The following TMEM178A variants were observed in gnomAD, a reference collection of about 807,000 sequenced individuals.
The protein encoded by TMEM178A is transmembrane protein 178A, also known as transmembrane protein 178.
A neutral mutation model predicts 29.1 loss-of-function variants in TMEM178A; 12 were observed. That is an observed-to-expected ratio of 0.41 (90% CI 0.26 to 0.67). The LOEUF (loss-of-function observed/expected upper bound fraction) is 0.67. TMEM178A is among the 30% of genes least tolerant of loss of function. TMEM178A has a pLI of 0.29. For missense variants in TMEM178A, 366 were observed against 419.1 expected, an observed-to-expected ratio of 0.87 and a Z score of 1.11; for synonymous variants, 210 against 187.2, an observed-to-expected ratio of 1.12 and a Z score of -0.99.
chr2:39,713,426 G>A (rs1002611491), intron 3 of TMEM178A, among the ~76,000 whole-genome samples: 6 of 152,162 alleles, frequency 3.9e-5, no homozygotes, highest in Non-Finnish European at 7.4e-5. Flanking sequence ...ACTTGTTGAT[G>A]TCTTTGTCCC....
chr2:39,681,380 G>A (rs1431316451), intron 1 of TMEM178A, among the ~76,000 whole-genome samples: 2 of 152,186 alleles, frequency 1.3e-5, no homozygotes, highest in Non-Finnish European at 2.9e-5. Context: ...CTAAGGTATT[G>A]AGCATACCAC....
downstream of TMEM178A, among the ~76,000 whole-genome samples, chr2:39,718,633 G>A (rs1405673931): frequency 6.6e-6 from 1 of 152,112 alleles, no homozygotes; most frequent in Non-Finnish European, 1.5e-5. Context: ...GGTAAGTGCT[G>A]TTATTTTATG....
intron 1 of TMEM178A, among the ~76,000 whole-genome samples, chr2:39,673,715 C>G (rs1030509987): frequency 7.9e-5 from 12 of 152,184 alleles, no homozygotes; most frequent in African/African-American, 2.9e-4. Context: ...AACTTGCACT[C>G]TTAAGGTCTG....
chr2:39,694,242 A>G (rs1671448181), intron 1 of TMEM178A, among the ~76,000 whole-genome samples: 1 of 152,014 alleles, frequency 6.6e-6, no homozygotes, highest in African/African-American at 2.4e-5. Flanking sequence ...CCTTTGAGAT[A>G]GATGAACTGT....
At chr2:39,709,347 C>A (rs954878530) in intron 3 of TMEM178A, among the ~76,000 whole-genome samples, 2 of 152,222 alleles carry the variant, frequency 1.3e-5, no homozygotes, top group African/African-American at 2.4e-5. Flanking sequence ...CATCCTGGAA[C>A]ATTCAGAAGT....
At chr2:39,689,571 A>G (rs1243546875) in intron 1 of TMEM178A, among the ~76,000 whole-genome samples, 1 of 152,200 alleles carries the variant, frequency 6.6e-6, no homozygotes, top group Non-Finnish European at 1.5e-5. Flanking sequence ...GCTGGAGAGG[A>G]GCAAATAAGG....
At chr2:39,677,306 G>C (rs1670672420) in intron 1 of TMEM178A, among the ~76,000 whole-genome samples, 1 of 152,170 alleles carries the variant, frequency 6.6e-6, no homozygotes, top group African/African-American at 2.4e-5. Context: ...TTAACTTCTT[G>C]ATTTCTTGGA....
the TMEM178A span, among the ~76,000 whole-genome samples, chr2:39,734,622 G>T: frequency 6.6e-6 from 1 of 152,166 alleles, no homozygotes; most frequent in Non-Finnish European, 1.5e-5. Context: ...TTCAAAATTA[G>T]CAAGTCTAAA....
chr2:39,701,514 A>G (rs1362200040), intron 1 of TMEM178A, among the ~76,000 whole-genome samples: 2 of 152,090 alleles, frequency 1.3e-5, no homozygotes, highest in African/African-American at 2.4e-5. Flanking sequence ...ATTATGATAT[A>G]TCTGGGTGTG....
the TMEM178A span, among the ~76,000 whole-genome samples, chr2:39,733,035 C>T: frequency 1.3e-5 from 2 of 152,180 alleles, no homozygotes; most frequent in East Asian, 3.8e-4. Context: ...TATACCCTTA[C>T]TCCATGGATC....
In TMEM178A at chr2:39,666,083, C is replaced by T. The variant is rs753047006; in HGVS notation, c.109C>T (p.Arg37Trp). 3 of 1,569,132 alleles carry T rather than the reference C, an allele frequency of 1.9e-6. No individual in the cohort carries two copies. Among genetic ancestry groups the T allele is most frequent in the Non-Finnish European group, 2.6e-6 (3 of 1,161,394 alleles). The change falls in exon 1 of 4, where the codon CGG (arginine) becomes TGG (tryptophan). Residue 37 changes from arginine to tryptophan, a missense_variant. This residue lies in a region of TMEM178A where 247 missense variants were observed against 246.8 expected (regional missense o/e 1.00). Coordinates refer to ENST00000281961, the MANE Select transcript of TMEM178A (RefSeq NM_152390.3). ...CGACCACTGGTACGAGACCGACCCCCGGCGCCACAAGGAGAGCTGCGAGCG... is the reference window on the plus strand; with the variant it reads ...CGACCACTGGTACGAGACCGACCCCTGGCGCCACAAGGAGAGCTGCGAGCG... ...FTDHWYETDP[R>W]RHKESCERSR...
chr2:39,704,113 C>G lies in TMEM178A; in HGVS notation c.433C>G (p.His145Asp), dbSNP rs776483846. ...IAQRCTAIKYHFSQPIRLRNI... is the reference protein window; with the variant it reads ...IAQRCTAIKYDFSQPIRLRNI... ...GCAGCGATGCACGGCCATCAAGTACCACTTTTCTCAGCCCATCCGCTTGCG... is the reference window on the plus strand; with the variant it reads ...GCAGCGATGCACGGCCATCAAGTACGACTTTTCTCAGCCCATCCGCTTGCG... The change falls in exon 2 of 4, where the codon CAC becomes GAC. Residue 145 changes from histidine to aspartate, a missense_variant. This residue lies in a region of TMEM178A where 247 missense variants were observed against 246.8 expected (regional missense o/e 1.00). Coordinates refer to ENST00000281961, the MANE Select transcript of TMEM178A (RefSeq NM_152390.3). 4.3e-6 allele frequency: 7 copies of G among 1,614,144 alleles called. No homozygotes were observed. Among genetic ancestry groups the G allele is most frequent in the Non-Finnish European group, 5.1e-6 (6 of 1,180,020 alleles).
intron 2 of TMEM178A, among the ~76,000 whole-genome samples, chr2:39,706,700 C>T (rs1191063766): frequency 2.6e-5 from 4 of 152,028 alleles, no homozygotes; most frequent in African/African-American, 9.7e-5. Context: ...TTCTATTGTT[C>T]TGTTAAGGCT....
the TMEM178A span, among the ~76,000 whole-genome samples, chr2:39,727,115 C>G: frequency 2.6e-5 from 4 of 152,184 alleles, no homozygotes; most frequent in African/African-American, 9.7e-5. Flanking sequence ...AGAGTGGTTT[C>G]ATCCCTCCAT....
chr2:39,735,940 GA>G, the TMEM178A span: 1 of 152,316 alleles, frequency 6.6e-6, no homozygotes, highest in South Asian at 2.1e-4. Flanking sequence ...CTGCTTTGGG[GA>G]GCTGATTCAC....
the TMEM178A span, among the ~76,000 whole-genome samples, chr2:39,729,658 T>A: frequency 6.6e-6 from 1 of 152,196 alleles, no homozygotes; most frequent in Admixed American, 6.6e-5. Context: ...AGAACATGAT[T>A]TCTGGGTGGC....
In TMEM178A at chr2:39,717,289, C is replaced by G; in HGVS notation, c.*38C>G. The G allele has an allele frequency of 6.2e-7, 1 of 1,600,838 alleles. No individual in the cohort carries two copies. The highest frequency in any genetic ancestry group is 8.5e-7 in the Non-Finnish European group (1 of 1,172,656). On this transcript the variant is annotated 3_prime_UTR_variant, in exon 4 of 4. Coordinates refer to ENST00000281961, the MANE Select transcript of TMEM178A (RefSeq NM_152390.3). ...GGCCTGTCCACAGTGCGAGCGACTC[C>G]TGAGGGGAACAGCGCGGAGTTCAGG...
At chr2:39,722,960 C>T (rs1289898092), downstream of TMEM178A, among the ~76,000 whole-genome samples, 1 of 152,136 alleles carries the variant, frequency 6.6e-6, no homozygotes, top group African/African-American at 2.4e-5. Flanking sequence ...TGTGAAGTGG[C>T]ATCCTCTGGG....
intron 1 of TMEM178A, among the ~76,000 whole-genome samples, chr2:39,703,639 G>A (rs888400686): frequency 1.3e-5 from 2 of 152,190 alleles, no homozygotes; most frequent in Admixed American, 1.3e-4. Flanking sequence ...CATGTGGAAG[G>A]TTATCTTTAT....
Sources: gnomAD v4.1 joint callset for allele counts (sites outside exome capture counted in the v4.1 genomes callset) on GRCh38, gnomAD v4.1.1 for gene constraint, gnomAD v4.1.1 regional missense constraint, MANE v1.5 for transcripts, NCBI Gene and HGNC (gene_info 2026-07-23, HGNC 2026-07-21) for gene names.